Variants in KTN1 observed in about 807,000 individuals in gnomAD.
KTN1 encodes kinectin.
Under a neutral mutation model 222.5 loss-of-function variants are expected in KTN1, and 130 were observed. The ratio of observed to expected loss-of-function variants is 0.58; its 90% CI spans 0.51 to 0.68. The LOEUF (loss-of-function observed/expected upper bound fraction) is 0.68. KTN1 is among the 30% of genes least tolerant of loss of function. KTN1 has a pLI of 0.00. For synonymous variants in KTN1, 512 were observed against 496.3 expected (o/e 1.03, Z -0.42); for missense variants, 1,508 against 1,500.4 (o/e 1.01, Z -0.08).
In KTN1 at chr14:55,618,130, C is replaced by CA; in HGVS notation, c.831dup (p.Glu278ArgfsTer4). 6.2e-7 allele frequency: 1 copy of CA among 1,608,892 alleles called. No homozygotes were observed. The highest frequency in any genetic ancestry group is 8.5e-7 in the Non-Finnish European group (1 of 1,177,504). On this transcript the variant is annotated frameshift_variant, in exon 4 of 44. Coordinates refer to ENST00000395314, the MANE Select transcript of KTN1 (RefSeq NM_001079521.2). LOFTEE classifies it high-confidence loss of function. ...CTAAAAAACTGAAGACCGAAACTGA[C>CA]AAAGGTAATATATGGGATTTATAGT...
At chr14:55,621,728 A>G (rs758649884) in intron 5 of KTN1, among the ~76,000 whole-genome samples, 1 of 152,204 alleles carries the variant, frequency 6.6e-6, no homozygotes, top group African/African-American at 2.4e-5. Context: ...GGGTGGGTAC[A>G]CAGCCAAACC....
At chr14:55,627,625 GCATGTTGCCCTTCCTGTGTC>G (rs1201718348) in intron 5 of KTN1, among the ~76,000 whole-genome samples, 2 of 151,964 alleles carry the variant, frequency 1.3e-5, no homozygotes. Context: ...GCCCCGACAG[GCATGTTGCCCTTCCTGTGTC>G]CATGTTCCCC....
chr14:55,580,551 C>G (rs1190424506), intron 1 of KTN1, among the ~76,000 whole-genome samples, 197 bp downstream of exon 1: 4 of 151,030 alleles, frequency 2.6e-5, no homozygotes, highest in Non-Finnish European at 5.9e-5. Context: ...GGGGCCGGGA[C>G]GCCGCAGGGG....
At chr14:55,643,782 G>A (rs2042025293) in intron 18 of KTN1, among the ~76,000 whole-genome samples, 1 of 152,066 alleles carries the variant, frequency 6.6e-6, no homozygotes, top group Non-Finnish European at 1.5e-5. Flanking sequence ...AATACCTTAT[G>A]TAAAATTCCC....
intron 42 of KTN1, 78 bp from the exon 43 acceptor site, chr14:55,679,487 A>G (rs2046178694): frequency 3.3e-6 from 4 of 1,198,708 alleles, no homozygotes; most frequent in Non-Finnish European, 3.6e-6. Context: ...AATCAGCAAT[A>G]TAACATTTTC....
At chr14:55,614,797 G>A (rs550887250) in intron 2 of KTN1, among the ~76,000 whole-genome samples, 1 of 152,164 alleles carries the variant, frequency 6.6e-6, no homozygotes, top group Non-Finnish European at 1.5e-5. Flanking sequence ...GCCCTTTGCA[G>A]AAAAAGTTTG....
chr14:55,677,987 C>T (rs571084219), intron 41 of KTN1, among the ~76,000 whole-genome samples: 5 of 152,286 alleles, frequency 3.3e-5, no homozygotes, highest in South Asian at 2.1e-4. Flanking sequence ...CGTGAGCCAC[C>T]GCGCCCAGCA....
At chr14:55,677,395 T>C (rs569290422) in intron 41 of KTN1, among the ~76,000 whole-genome samples, 12 of 150,820 alleles carry the variant, frequency 8.0e-5, no homozygotes, top group Non-Finnish European at 1.3e-4. Context: ...AAGAATTGCT[T>C]GAATCCGGGA....
chr14:55,655,595 C>G (rs2043387705), intron 28 of KTN1, among the ~76,000 whole-genome samples: 1 of 152,094 alleles, frequency 6.6e-6, no homozygotes, highest in Non-Finnish European at 1.5e-5. Flanking sequence ...TTGAGATTCA[C>G]TTGGGCTAGA....
intron 2 of KTN1, 36 bp downstream of exon 2, chr14:55,612,607 T>A: frequency 6.6e-7 from 1 of 1,505,160 alleles, no homozygotes; most frequent in South Asian, 1.4e-5. Flanking sequence ...AATTTTATTG[T>A]ATGATTTGGA....
intron 1 of KTN1, among the ~76,000 whole-genome samples, chr14:55,596,173 A>AAAAAAT (rs1376306292): frequency 1.0e-3 from 152 of 148,946 alleles, no homozygotes; most frequent in African/African-American, 3.5e-3. Flanking sequence ...AAAAAAAAAA[A>AAAAAAT]GTAAAAATAA....
chr14:55,654,273 T>C (rs1359125514), intron 28 of KTN1, among the ~76,000 whole-genome samples: 2 of 152,218 alleles, frequency 1.3e-5, no homozygotes, highest in South Asian at 2.1e-4. Flanking sequence ...TCTTTATTGA[T>C]ATTTGTTTTA....
At position 55,580,359 on chromosome 14, in the gene KTN1, G is replaced by A. The variant is rs2031040862; in HGVS notation, c.-31+5G>A. The A allele has an allele frequency of 6.8e-6, 1 of 147,452 alleles. No individual in the cohort carries two copies. The highest frequency in any genetic ancestry group is 1.5e-5 in the Non-Finnish European group (1 of 66,150). The allele number at this position is 147,452 out of a possible 1,614,324, so 9.1% of individuals were successfully genotyped here. On this transcript the variant is annotated splice_donor_5th_base_variant and intron_variant, in intron 1 of 43. Transcript: ENST00000395314. ...CTCCTTTCCCGGCCGCACAGGGTGA[G>A]GGAGAGCAGGCCGCACCGGGACGGG...
At chr14:55,590,820 C>T (rs559804182) in intron 1 of KTN1, among the ~76,000 whole-genome samples, 7 of 152,196 alleles carry the variant, frequency 4.6e-5, no homozygotes, top group Non-Finnish European at 1.0e-4. Flanking sequence ...GGATTACAGG[C>T]ATGCACCACC....
rs563118292 is a variant in KTN1, at chr14:55,643,295, C to T, written c.2172+1535C>T. 1.2e-4 allele frequency among the ~76,000 whole-genome samples: 19 copies of T among 152,288 alleles called. 1 individual carries two copies. The highest frequency in any genetic ancestry group is 4.3e-4 in the African/African-American group (18 of 41,564). Reference sequence around the variant, plus strand: ...ATTATAAGATTTCTCTCCCCCCACCCTCCCTTACCATCTCTGAAATAAGAA... The same window carrying T: ...ATTATAAGATTTCTCTCCCCCCACCTTCCCTTACCATCTCTGAAATAAGAA... On this transcript the variant is annotated intron_variant, in intron 18 of 43. Coordinates refer to ENST00000395314, the MANE Select transcript of KTN1 (RefSeq NM_001079521.2).
chr14:55,678,408 T>C lies in KTN1; in HGVS notation c.3912T>C (p.Thr1304=). ...AAATAGTAAAAGCTGCTGGAGACACTACTGTTATTGAAAATAGTGATGTTT... is the reference window on the plus strand; with the variant it reads ...AAATAGTAAAAGCTGCTGGAGACACCACTGTTATTGAAAATAGTGATGTTT... ...QSKIVKAAGD[T]TVIENSDVSP... The change falls in exon 42 of 44, where the codon ACT becomes ACC. Residue 1304 remains threonine (T), a synonymous_variant. Coordinates refer to ENST00000395314, the MANE Select transcript of KTN1 (RefSeq NM_001079521.2). The C allele has an allele frequency of 6.2e-7, 1 of 1,611,690 alleles. No individual in the cohort carries two copies. Among genetic ancestry groups the C allele is most frequent in the Non-Finnish European group, 8.5e-7 (1 of 1,177,766 alleles).
intron 1 of KTN1, among the ~76,000 whole-genome samples, chr14:55,590,674 A>G (rs2033940238): frequency 6.7e-6 from 1 of 149,468 alleles, no homozygotes; most frequent in Non-Finnish European, 1.5e-5. Context: ...TGTTATCAGG[A>G]TATTCTTTTT....
chr14:55,661,033 G>C (rs1321401830), intron 31 of KTN1, among the ~76,000 whole-genome samples: 2 of 152,148 alleles, frequency 1.3e-5, no homozygotes, highest in African/African-American at 4.8e-5. Flanking sequence ...AAAAAAACAT[G>C]AATGTTGAGA....
intron 18 of KTN1, chr14:55,644,467 A>G (rs1566784004): frequency 1.4e-6 from 1 of 696,488 alleles, no homozygotes; most frequent in Non-Finnish European, 2.6e-6. Context: ...TTGATACCCT[A>G]AAGGAGGGAA....
Sources: allele counts gnomAD v4.1 joint callset (sites outside exome capture counted in the v4.1 genomes callset), GRCh38; gene constraint gnomAD v4.1.1; transcripts MANE v1.5; gene names NCBI Gene and HGNC (gene_info 2026-07-23, HGNC 2026-07-21).